Variants in DIP2A observed in about 807,000 individuals in gnomAD.
DIP2A encodes the protein DIP2 acetate--CoA ligase A.
A neutral mutation model predicts 177.4 loss-of-function variants in DIP2A; 85 were observed. The ratio of observed to expected loss-of-function variants is 0.48; its 90% CI spans 0.40 to 0.57. The LOEUF (loss-of-function observed/expected upper bound fraction) is 0.57, where lower values mean the gene tolerates loss of function less well. Among genes scored for constraint, DIP2A ranks in the 20% least tolerant of loss-of-function variants. DIP2A has a pLI of 0.00. For missense variants in DIP2A, 1,791 were observed against 2,100.2 expected (o/e 0.85, Z 2.88); for synonymous variants, 886 against 881.8 (o/e 1.00, Z -0.08).
chr21:46,577,480 A>T, the DIP2A span, among the ~76,000 whole-genome samples: 2 of 152,066 alleles, frequency 1.3e-5, no homozygotes, highest in African/African-American at 4.8e-5. Flanking sequence ...ATCCTGTTCC[A>T]CCGGTCTATG....
intron 13 of DIP2A, among the ~76,000 whole-genome samples, chr21:46,535,565 G>A (rs2059531778): frequency 6.6e-6 from 1 of 152,040 alleles, no homozygotes; most frequent in Admixed American, 6.6e-5. Flanking sequence ...ACAAAAAAAG[G>A]GAGAAATTTT....
chr21:46,466,891 A>G (rs1027170805), intron 1 of DIP2A, among the ~76,000 whole-genome samples: 39 of 150,426 alleles, frequency 2.6e-4, no homozygotes, highest in African/African-American at 9.3e-4. Flanking sequence ...GCAACTTGCA[A>G]AAATGTAAAA....
rs1438972960 is a variant in DIP2A, at chr21:46,554,864, C to A, written c.3319C>A (p.Arg1107=). The A allele has an allele frequency of 1.3e-6, 2 of 1,550,898 alleles. No homozygotes were observed. Among genetic ancestry groups the A allele is most frequent in the African/African-American group, 1.4e-5 (1 of 72,934 alleles). Residue 1107 remains arginine, a synonymous_variant, in exon 28 of 38, where the codon CGG becomes AGG. Transcript: ENST00000417564. ...ACVLTTQAVT[R]LLRSKEAAAA... Reference sequence around the variant, plus strand: ...CGTCCTCACCACGCAGGCTGTCACACGGCTGCTCAGGTCCAAGGAGGCTGC... The same window carrying A: ...CGTCCTCACCACGCAGGCTGTCACAAGGCTGCTCAGGTCCAAGGAGGCTGC...
At chr21:46,528,779 C>T (rs143430441) in intron 8 of DIP2A, among the ~76,000 whole-genome samples, 1,867 of 151,836 alleles carry the variant, frequency 0.012, 19 homozygotes, top group Non-Finnish European at 0.018. Flanking sequence ...CTGCCTGCCT[C>T]GTCCTTCCAA....
At position 46,557,189 on chromosome 21, in the gene DIP2A, GGTTT is replaced by G. The variant is rs1671523329; in HGVS notation, c.3629+126_3629+129del. 8 of 1,193,622 alleles carry G rather than the reference GGTTT, an allele frequency of 6.7e-6. No individual in the cohort carries two copies. In the East Asian group the frequency reaches 1.3e-4, roughly 19 times the overall value. 73.9% of individuals were successfully genotyped at this position (1,193,622 alleles called of 1,614,324 possible). A position where few individuals can be genotyped will look rare whatever the true frequency, so the allele number is the denominator to read the frequency against. On this transcript the variant is annotated intron_variant, in intron 30 of 37. Transcript: ENST00000417564. The surrounding 1 kb of genome is among the most constrained non-coding windows in gnomAD (Gnocchi z 6.0). ...GAAGCCGATGAGATGTGTGTGAGTG[GGTTT>G]GTTTGGGGATGAAGTGGGTTGGAGT...
intron 1 of DIP2A, among the ~76,000 whole-genome samples, chr21:46,470,742 C>T (rs897126915): frequency 2.7e-5 from 4 of 145,510 alleles, no homozygotes; most frequent in South Asian, 2.2e-4. Context: ...CCAGCCTGGA[C>T]GACAGAGTGA....
chr21:46,522,905 T>C (rs2148695998), intron 8 of DIP2A, among the ~76,000 whole-genome samples: 1 of 152,204 alleles, frequency 6.6e-6, no homozygotes, highest in African/African-American at 2.4e-5. Flanking sequence ...CATAGTGCTC[T>C]TTTATTTTTT....
intron 8 of DIP2A, among the ~76,000 whole-genome samples, chr21:46,516,484 A>ATTTTTTTTTTTTTTTTTTTTTTTTTT (rs779342846): frequency 1.1e-5 from 1 of 92,876 alleles, no homozygotes; most frequent in Non-Finnish European, 2.4e-5. Context: ...GTCTTCTGAA[A>ATTTTTTTTTTTTTTTTTTTTTTTTTT]TTTCTTTTTT....
At chr21:46,532,300 T>C (rs1200068777) in intron 10 of DIP2A, 63 bp downstream of exon 10, 4 of 1,367,056 alleles carry the variant, frequency 2.9e-6, no homozygotes, top group Non-Finnish European at 4.1e-6. Context: ...AGCAGTATCT[T>C]ACTTCCTTTT....
intron 5 of DIP2A, among the ~76,000 whole-genome samples, chr21:46,503,612 C>CTT (rs879744276): frequency 1.3e-5 from 1 of 79,658 alleles, no homozygotes; most frequent in Non-Finnish European, 2.9e-5. Flanking sequence ...TCCTTCCTTC[C>CTT]TTTCTTTCTT....
At position 46,568,859 on chromosome 21, in the gene DIP2A, T is replaced by G. The variant is rs2060904333; in HGVS notation, c.*1237T>G. On this transcript the variant is annotated 3_prime_UTR_variant, in exon 38 of 38. Coordinates refer to ENST00000417564, the MANE Select transcript of DIP2A (RefSeq NM_015151.4). ...CAGTTGAGGGGAGCAGGGAACAGCA[T>G]TGCCCCGTATTGAAGGTGGAGATGG... is the stretch of plus-strand genomic sequence containing the variant. 6.6e-6 allele frequency: 1 copy of G among 152,214 alleles called. No homozygotes were observed. The highest frequency in any genetic ancestry group is 1.5e-5 in the Non-Finnish European group (1 of 68,050). The allele number at this position is 152,214 out of a possible 1,614,324, so 9.4% of individuals were successfully genotyped here.
intron 25 of DIP2A, 130 bp from the exon 26 acceptor site, chr21:46,554,039 A>G (rs2060364839): frequency 7.9e-7 from 1 of 1,258,100 alleles, no homozygotes. Flanking sequence ...GGACTGACAC[A>G]TTGTCATTAT....
intron 1 of DIP2A, among the ~76,000 whole-genome samples, chr21:46,477,135 C>T (rs2055918152): frequency 1.3e-5 from 2 of 152,256 alleles, no homozygotes; most frequent in East Asian, 1.9e-4. Flanking sequence ...CCAGTAGGAC[C>T]GGTCCGATTG....
At chr21:46,497,338 G>A (rs969876161) in intron 4 of DIP2A, among the ~76,000 whole-genome samples, 5 of 152,150 alleles carry the variant, frequency 3.3e-5, no homozygotes, top group African/African-American at 1.2e-4. Flanking sequence ...TTTTTGTGTG[G>A]ATCTTAATTT....
chr21:46,535,802 C>T (rs1432344484), intron 13 of DIP2A, among the ~76,000 whole-genome samples: 2 of 152,112 alleles, frequency 1.3e-5, no homozygotes, highest in East Asian at 1.9e-4. Flanking sequence ...TTTAGCCAGG[C>T]GTGATGATGT....
intron 16 of DIP2A, chr21:46,539,639 G>T: frequency 1.9e-6 from 1 of 528,540 alleles, no homozygotes; most frequent in South Asian, 2.0e-5. Context: ...CCCTAGTGAT[G>T]CCCCTTCTGC....
At chr21:46,465,641 A>G (rs988101721) in intron 1 of DIP2A, among the ~76,000 whole-genome samples, 4 of 152,158 alleles carry the variant, frequency 2.6e-5, no homozygotes, top group African/African-American at 7.2e-5. Flanking sequence ...AGGGACTCCA[A>G]GTGTCACTGA....
At chr21:46,528,775 G>C (rs1601691444) in intron 8 of DIP2A, among the ~76,000 whole-genome samples, 1 of 151,840 alleles carries the variant, frequency 6.6e-6, no homozygotes, top group East Asian at 1.9e-4. Flanking sequence ...TGATCTGCCT[G>C]CCTCGTCCTT....
At chr21:46,505,357 C>A (rs2057919008) in intron 6 of DIP2A, among the ~76,000 whole-genome samples, 1 of 152,006 alleles carries the variant, frequency 6.6e-6, no homozygotes. Context: ...ACCTGTAATC[C>A]CAGCACTTTG....
Sources: allele counts gnomAD v4.1 joint callset (sites outside exome capture counted in the v4.1 genomes callset), GRCh38; gene constraint gnomAD v4.1.1; non-coding constraint Gnocchi (gnomAD v3.1); transcripts MANE v1.5; gene names NCBI Gene and HGNC (gene_info 2026-07-23, HGNC 2026-07-21).